GHR: variants seen among roughly 807,000 people sequenced by gnomAD.
GHR encodes growth hormone receptor.
A neutral mutation model predicts 67.1 loss-of-function variants in GHR; 35 were observed. That is an observed-to-expected ratio of 0.52 (90% confidence interval 0.40 to 0.69). The LOEUF (loss-of-function observed/expected upper bound fraction) is 0.69. Ranked by LOEUF, GHR falls within the 30% of genes least tolerant of loss-of-function variation. GHR has a pLI of 0.00. For synonymous variants in GHR, 272 were observed against 269.1 expected (o/e 1.01, Z -0.10); for missense variants, 792 against 764.6 (o/e 1.04, Z -0.42).
At chr5:42,553,139 C>T (rs1749124085) in intron 1 of GHR, among the ~76,000 whole-genome samples, 1 of 152,180 alleles carries the variant, frequency 6.6e-6, no homozygotes, top group African/African-American at 2.4e-5. Context: ...TTACCACAAA[C>T]TTAGTGGCTT....
intron 1 of GHR, among the ~76,000 whole-genome samples, chr5:42,530,892 G>T (rs553976356): frequency 4.6e-5 from 7 of 152,250 alleles, no homozygotes; most frequent in African/African-American, 1.7e-4. Flanking sequence ...ATGACATGCC[G>T]AAGAAATATA....
chr5:42,622,566 G>A (rs547136297), intron 2 of GHR, among the ~76,000 whole-genome samples: 1 of 152,270 alleles, frequency 6.6e-6, no homozygotes, highest in East Asian at 1.9e-4. Context: ...TCAATCTGGG[G>A]CAGGGCCCTA....
At chr5:42,626,026 A>G (rs1561178492) in intron 2 of GHR, among the ~76,000 whole-genome samples, 5 of 152,152 alleles carry the variant, frequency 3.3e-5, no homozygotes, top group South Asian at 2.1e-4. Flanking sequence ...ATGAGAACCC[A>G]TGGTTTGTAG....
chr5:42,440,517 G>A (rs983733081), intron 1 of GHR, among the ~76,000 whole-genome samples: 2 of 152,170 alleles, frequency 1.3e-5, no homozygotes, highest in African/African-American at 4.8e-5. Flanking sequence ...AAAGTAAGCA[G>A]GGACTACATC....
At chr5:42,682,481 T>C (rs140926321) in intron 3 of GHR, among the ~76,000 whole-genome samples, 92 of 152,256 alleles carry the variant, frequency 6.0e-4, no homozygotes, top group African/African-American at 2.2e-3. Flanking sequence ...GAGAAAGGTG[T>C]TCATTTTAAG....
chr5:42,660,792 A>G lies in GHR; in HGVS notation c.137-28098A>G, dbSNP rs147204412. Among the ~76,000 whole-genome samples the G allele has an allele frequency of 2.1e-3, 315 of 152,286 alleles. 1 individual carries two copies. The highest frequency in any genetic ancestry group is 7.3e-3 in the African/African-American group (304 of 41,574). On this transcript the variant is annotated intron_variant, in intron 3 of 9. Coordinates refer to ENST00000230882, the MANE Select transcript of GHR (RefSeq NM_000163.5). ...CTTTGACGAGCTGAGAGAAGACTTCAGACGATCAAATTACTCCGAGCTACA... is the reference window on the plus strand; with the variant it reads ...CTTTGACGAGCTGAGAGAAGACTTCGGACGATCAAATTACTCCGAGCTACA...
chr5:42,643,995 T>A (rs758093896), intron 3 of GHR, among the ~76,000 whole-genome samples: 43 of 152,104 alleles, frequency 2.8e-4, no homozygotes, highest in Non-Finnish European at 6.0e-4. Flanking sequence ...AATAAAGTTG[T>A]TTTTTTAAAA....
chr5:42,475,902 T>TA (rs201263976), intron 1 of GHR, among the ~76,000 whole-genome samples: 38 of 144,554 alleles, frequency 2.6e-4, no homozygotes, highest in African/African-American at 3.4e-4. Flanking sequence ...TTCATCAGAT[T>TA]AAAAATTTTT....
rs1005604480 is a variant in GHR at position 42,719,814 on chromosome 5, A to G, written c.*390A>G. 8.3e-5 allele frequency: 16 copies of G among 192,464 alleles called. No homozygotes were observed. Among genetic ancestry groups the G allele is most frequent in the Non-Finnish European group, 8.5e-5 (8 of 93,636 alleles). The allele number at this position is 192,464 out of a possible 1,614,324, so 11.9% of individuals were successfully genotyped here. A position where few individuals can be genotyped will look rare whatever the true frequency, so the allele number is the denominator to read the frequency against. On this transcript the variant is annotated 3_prime_UTR_variant, in exon 10 of 10. Coordinates refer to ENST00000230882, the MANE Select transcript of GHR (RefSeq NM_000163.5). ...GGTTCAGGAAAATTGAATGCAAACC[A>G]TAGCACAGGCTAATTTTTTGTTGTT... is the stretch of plus-strand genomic sequence containing the variant.
At chr5:42,631,762 C>T (rs932000290) in intron 3 of GHR, among the ~76,000 whole-genome samples, 1 of 152,152 alleles carries the variant, frequency 6.6e-6, no homozygotes, top group Non-Finnish European at 1.5e-5. Flanking sequence ...AGTTCTCAGA[C>T]TCAAAACAAA....
intron 1 of GHR, among the ~76,000 whole-genome samples, chr5:42,541,443 G>A (rs1748512724): frequency 6.6e-6 from 1 of 152,086 alleles, no homozygotes; most frequent in South Asian, 2.1e-4. Flanking sequence ...GAACGTAGTG[G>A]TAAATGGAGG....
intron 3 of GHR, among the ~76,000 whole-genome samples, chr5:42,639,720 A>C (rs893828143): frequency 1.3e-5 from 2 of 152,156 alleles, no homozygotes; most frequent in African/African-American, 4.8e-5. Flanking sequence ...AAAACTTTTG[A>C]AGTTATGCAT....
intron 4 of GHR, among the ~76,000 whole-genome samples, chr5:42,692,325 G>A (rs1365453741): frequency 6.6e-6 from 1 of 151,516 alleles, no homozygotes; most frequent in Admixed American, 6.6e-5. Flanking sequence ...TCTTTCTATG[G>A]TTCTCACCCC....
intron 3 of GHR, among the ~76,000 whole-genome samples, chr5:42,682,990 A>G (rs4333326): frequency 1 from 152,171 of 152,178 alleles, 76,082 homozygotes; most frequent in Middle Eastern, 1. Context: ...AGTTCCTCAA[A>G]GGTTTTTTTT....
In GHR at chr5:42,700,104, A is replaced by G. The variant is rs976146076; in HGVS notation, c.618+102A>G. On this transcript the variant is annotated intron_variant, in intron 6 of 9. Transcript: ENST00000230882. ...TCCTTTGACCTAATACCACATGTTC[A>G]TGCTGTATGCTCCATAATTTCTTAA... 2.2e-5 allele frequency: 16 copies of G among 722,324 alleles called. No individual in the cohort carries two copies. In the South Asian group the frequency reaches 2.4e-4, roughly 11 times the overall value. The allele number at this position is 722,324 out of a possible 1,614,324, so 44.7% of individuals were successfully genotyped here.
Position 42,576,121 on chromosome 5 carries a change from AAT to A in GHR, c.70+10179_70+10180del, listed in dbSNP as rs1297726154. 1.1e-3 allele frequency among the ~76,000 whole-genome samples: 94 copies of A among 84,716 alleles called. 4 individuals carry two copies. Among genetic ancestry groups the A allele is most frequent in the African/African-American group, 5.7e-3 (88 of 15,556 alleles). 55.6% of individuals were successfully genotyped at this position (84,716 alleles called of 152,430 possible). A position where few individuals can be genotyped will look rare whatever the true frequency, so the allele number is the denominator to read the frequency against. ...AAATAAATAAAATAAAATAAAATAA[AAT>A]AAAATAAAATAAAATAAAATAGTAA... On this transcript the variant is annotated intron_variant, in intron 2 of 9. Transcript: ENST00000230882.
chr5:42,612,786 C>G (rs1752952836), intron 2 of GHR, among the ~76,000 whole-genome samples: 1 of 152,122 alleles, frequency 6.6e-6, no homozygotes, highest in African/African-American at 2.4e-5. Context: ...CACTTGCTCT[C>G]AGAATGAGAA....
rs560878260 is a variant in GHR at position 42,548,057 on chromosome 5, A to G, written c.-11-17807A>G. 290 of 984,756 alleles carry G rather than the reference A, an allele frequency of 2.9e-4. No homozygotes were observed. The African/African-American group carries it at 4.7e-3, about 16-fold the overall frequency. 61.0% of individuals were successfully genotyped at this position (984,756 alleles called of 1,614,324 possible). On this transcript the variant is annotated intron_variant, in intron 1 of 9. Transcript: ENST00000230882. ...TAACGCTTAGCCCTCTTCTCAGCTG[A>G]TTTGGCTGCCTCCATTGTAATAGGC...
At chr5:42,550,178 A>G (rs1000649556) in intron 1 of GHR, 19 of 578,258 alleles carry the variant, frequency 3.3e-5, no homozygotes, top group Non-Finnish European at 4.2e-5. Flanking sequence ...TGAAGACAAC[A>G]AGGAATACTG....
Sources: allele counts gnomAD v4.1 joint callset (sites outside exome capture counted in the v4.1 genomes callset), GRCh38; gene constraint gnomAD v4.1.1; transcripts MANE v1.5; gene names NCBI Gene and HGNC (gene_info 2026-07-23, HGNC 2026-07-21).